The following TCERG1L variants were observed in gnomAD, a reference collection of about 807,000 sequenced individuals.
The protein encoded by TCERG1L is transcription elongation regulator 1-like protein.
TCERG1L carries 37 observed loss-of-function variants against 56.3 expected under a neutral mutation model. The ratio of observed to expected loss-of-function variants is 0.66; its 90% CI spans 0.51 to 0.87. The LOEUF is 0.87. Among genes scored for constraint, TCERG1L ranks in the 40% least tolerant of loss-of-function variants. The pLI is 0.00. For synonymous variants in TCERG1L, 324 were observed against 326.3 expected (o/e 0.99, Z 0.08); for missense variants, 799 against 774.2 (o/e 1.03, Z -0.38).
At chr10:131,270,728 A>G (rs1447119140) in intron 3 of TCERG1L, among the ~76,000 whole-genome samples, 1 of 152,080 alleles carries the variant, frequency 6.6e-6, no homozygotes, top group African/African-American at 2.4e-5. Flanking sequence ...TTTTTCAAAC[A>G]CTTCCTTTAA....
intron 6 of TCERG1L, among the ~76,000 whole-genome samples, chr10:131,150,347 T>C (rs984385657): frequency 2.6e-5 from 4 of 152,218 alleles, no homozygotes; most frequent in African/African-American, 9.7e-5. Flanking sequence ...CACTGAGGCA[T>C]CTCCAGTTCA....
At chr10:131,147,759 G>A (rs926097664) in intron 6 of TCERG1L, among the ~76,000 whole-genome samples, 7 of 152,246 alleles carry the variant, frequency 4.6e-5, no homozygotes, top group African/African-American at 1.7e-4. Context: ...CTTCCCCGAG[G>A]GAGGCCCCCG....
intron 7 of TCERG1L, 57 bp from the exon 8 acceptor site, chr10:131,134,505 A>G: frequency 7.3e-7 from 1 of 1,379,196 alleles, no homozygotes; most frequent in African/African-American, 1.4e-5. Context: ...GCTTTGGCAA[A>G]ACCACCAGGT....
At chr10:131,258,270 G>A (rs540917073) in intron 4 of TCERG1L, among the ~76,000 whole-genome samples, 1 of 152,242 alleles carries the variant, frequency 6.6e-6, no homozygotes, top group African/African-American at 2.4e-5. Context: ...AAAACAGCCC[G>A]AATGGCGCAG....
chr10:131,161,173 T>C (rs12415639), intron 6 of TCERG1L: 46,380 of 152,162 alleles, frequency 0.3, 8,710 homozygotes, highest in Non-Finnish European at 0.42. Flanking sequence ...AATTTTACTC[T>C]ACCTTCTCAC....
At chr10:131,218,841 C>A (rs1217390591) in intron 4 of TCERG1L, among the ~76,000 whole-genome samples, 1 of 152,178 alleles carries the variant, frequency 6.6e-6, no homozygotes, top group Non-Finnish European at 1.5e-5. Flanking sequence ...AGTGTGGGGC[C>A]GTGGTCATGT....
chr10:131,140,244 C>A (rs1564799743), intron 7 of TCERG1L, among the ~76,000 whole-genome samples: 2 of 152,188 alleles, frequency 1.3e-5, no homozygotes, highest in African/African-American at 4.8e-5. Context: ...CCAGCCCCTG[C>A]ACAGCCAGGC....
Position 131,225,694 on chromosome 10 carries a change from C to T in TCERG1L, c.856+34565G>A, listed in dbSNP as rs181057920. On this transcript the variant is annotated intron_variant, in intron 4 of 11. Coordinates refer to ENST00000368642, the MANE Select transcript of TCERG1L (RefSeq NM_174937.4). The stretch of plus-strand genomic sequence containing the variant: ...CCACATGGAACGCAGAATGAGAAGG[C>T]TCTCCACGTCAAGGCACAGCCTGCA... Among the ~76,000 whole-genome samples the T allele has an allele frequency of 3.9e-5, 6 of 152,258 alleles. No homozygotes were observed. In the East Asian group the frequency reaches 7.8e-4, roughly 20 times the overall value.
chr10:131,286,215 T>C (rs538897299), intron 3 of TCERG1L, among the ~76,000 whole-genome samples: 89 of 152,264 alleles, frequency 5.8e-4, no homozygotes, highest in African/African-American at 2.0e-3. Flanking sequence ...GTCTGGGAAG[T>C]TCTTATAAGA....
intron 3 of TCERG1L, among the ~76,000 whole-genome samples, chr10:131,300,955 A>C (rs1051572929): frequency 6.6e-6 from 1 of 152,062 alleles, no homozygotes; most frequent in Admixed American, 6.5e-5. Flanking sequence ...AATGCACCAC[A>C]AGCTTCAAAT....
chr10:131,248,079 A>G (rs1846059375), intron 4 of TCERG1L, among the ~76,000 whole-genome samples: 1 of 151,866 alleles, frequency 6.6e-6, no homozygotes, highest in Non-Finnish European at 1.5e-5. Flanking sequence ...CACATGACTC[A>G]TATGCACACA....
At chr10:131,236,961 C>T (rs1845919412) in intron 4 of TCERG1L, among the ~76,000 whole-genome samples, 1 of 152,098 alleles carries the variant, frequency 6.6e-6, no homozygotes, top group Non-Finnish European at 1.5e-5. Flanking sequence ...TTAAAGCCAT[C>T]CAGTCTCCCA....
intron 9 of TCERG1L, among the ~76,000 whole-genome samples, chr10:131,113,639 G>A (rs1257823889): frequency 1.4e-5 from 2 of 141,876 alleles, no homozygotes; most frequent in African/African-American, 5.0e-5. Flanking sequence ...TGGTACCAGG[G>A]CTCTCCTGTG....
chr10:131,176,133 C>T (rs574710186), intron 4 of TCERG1L, among the ~76,000 whole-genome samples: 6 of 152,288 alleles, frequency 3.9e-5, no homozygotes, highest in Admixed American at 6.5e-5. Context: ...TGGGTTGTCA[C>T]GAAAGTCACA....
At chr10:131,258,261 A>AAACAGCC (rs1234254926) in intron 4 of TCERG1L, among the ~76,000 whole-genome samples, 1 of 152,232 alleles carries the variant, frequency 6.6e-6, no homozygotes, top group African/African-American at 2.4e-5. Context: ...ATGGTTTAGA[A>AAACAGCC]AACAGCCCGA....
intron 4 of TCERG1L, among the ~76,000 whole-genome samples, chr10:131,227,494 G>A (rs1008381614): frequency 5.9e-5 from 9 of 152,146 alleles, no homozygotes; most frequent in South Asian, 2.1e-4. Context: ...CCGCTTCCCC[G>A]CAAACCACAC....
chr10:131,260,409 G>A lies in TCERG1L; in HGVS notation c.706C>T (p.Pro236Ser). ...CHNSLKVTSS[P>S]AIAIATAAAA... ...GCGGCGGTGGCGATGGCAATGGCGG[G>A]GCTGCTGGTCACCTTAAGGCTGTTA... The change falls in exon 4 of 12, where the codon CCC becomes TCC. Residue 236 changes from proline (P) to serine (S), a missense_variant. Physicochemically the swap from Pro to Ser is moderately conservative, Grantham distance 74. Coordinates refer to ENST00000368642, the MANE Select transcript of TCERG1L (RefSeq NM_174937.4). This position sits in a 1 kb window ranked among gnomAD's most constrained non-coding sequence, Gnocchi z 5.8. The A allele has an allele frequency of 6.8e-7, 1 of 1,466,874 alleles. No homozygotes were observed. The highest frequency in any genetic ancestry group is 8.9e-7 in the Non-Finnish European group (1 of 1,117,626). 90.9% of individuals were successfully genotyped at this position (1,466,874 alleles called of 1,614,324 possible). A position where few individuals can be genotyped will look rare whatever the true frequency, so the allele number is the denominator to read the frequency against.
chr10:131,159,325 G>GGCTGTTGTGCCTCTGGCAGAA (rs1845954003), intron 6 of TCERG1L, among the ~76,000 whole-genome samples: 1 of 152,162 alleles, frequency 6.6e-6, no homozygotes, highest in South Asian at 2.1e-4. Flanking sequence ...GGCAGGGATG[G>GGCTGTTGTGCCTCTGGCAGAA]GCTGTTGTGC....
chr10:131,269,374 A>T (rs1846315834), intron 3 of TCERG1L, among the ~76,000 whole-genome samples: 1 of 152,072 alleles, frequency 6.6e-6, no homozygotes, highest in Admixed American at 6.5e-5. Context: ...TTCAGTAGAG[A>T]CAGGGTTTTG....
Sources: allele counts gnomAD v4.1 joint callset (sites outside exome capture counted in the v4.1 genomes callset), GRCh38; gene constraint gnomAD v4.1.1; non-coding constraint Gnocchi (gnomAD v3.1); transcripts MANE v1.5; gene names NCBI Gene and HGNC (gene_info 2026-07-23, HGNC 2026-07-21).